STK31: variants seen among roughly 807,000 people sequenced by gnomAD.
The protein encoded by STK31 is serine/threonine-protein kinase 31.
A neutral mutation model predicts 129.7 loss-of-function variants in STK31; 89 were observed. The observed-to-expected ratio is 0.69, with a 90% CI of 0.58 to 0.82. The LOEUF is 0.82. Among genes scored for constraint, STK31 ranks in the 40% least tolerant of loss-of-function variants. The pLI, the probability that STK31 is intolerant of heterozygous loss-of-function variation, is 0.00. For synonymous variants in STK31, 448 were observed against 395.3 expected (o/e 1.13, Z -1.58); for missense variants, 1,187 against 1,176.4 (o/e 1.01, Z -0.13).
At position 23,710,308 on chromosome 7, in the gene STK31, C is replaced by T. The variant is rs772566581; in HGVS notation, c.23C>T (p.Ser8Phe). MWVQGHS[S>F]RASATESVSF... is the part of the protein sequence containing the mutation. ...AGTATGTGGGTCCAGGGTCACTCTT[C>T]TAGAGCTTCCGCAACGGAAAGTGTG... The change falls in exon 1 of 24, where the codon TCT becomes TTT. Residue 8 changes from serine to phenylalanine, a missense_variant. Transcript: ENST00000355870. 1.9e-6 allele frequency: 3 copies of T among 1,613,210 alleles called. No individual in the cohort carries two copies. The Admixed American group carries it at 5.0e-5, about 27-fold the overall frequency.
chr7:23,756,560 G>A (rs541040754), intron 10 of STK31, among the ~76,000 whole-genome samples: 3 of 152,208 alleles, frequency 2.0e-5, no homozygotes, highest in Non-Finnish European at 4.4e-5. Context: ...AGAGGGAATC[G>A]TTGTCTTGTA....
At chr7:23,825,127 A>T (rs914964639) in intron 23 of STK31, among the ~76,000 whole-genome samples, 3 of 152,082 alleles carry the variant, frequency 2.0e-5, no homozygotes, top group Admixed American at 2.0e-4. Flanking sequence ...TGAGTTAGGG[A>T]GGATTCCCTC....
chr7:23,821,232 A>G (rs994338906), intron 23 of STK31, among the ~76,000 whole-genome samples: 1 of 152,216 alleles, frequency 6.6e-6, no homozygotes, highest in Non-Finnish European at 1.5e-5. Flanking sequence ...ACTATTTTCC[A>G]TAGTGGCTAT....
At chr7:23,744,671 A>G (rs1273671432) in intron 8 of STK31, among the ~76,000 whole-genome samples, 1 of 152,196 alleles carries the variant, frequency 6.6e-6, no homozygotes, top group Non-Finnish European at 1.5e-5. Flanking sequence ...TTCTGGGTTC[A>G]TGCAGTAGCA....
chr7:23,762,678 T>G, intron 10 of STK31, 123 bp from the exon 11 acceptor site: 1 of 1,123,738 alleles, frequency 8.9e-7, no homozygotes, highest in East Asian at 2.8e-5. Flanking sequence ...GAGAGAAATG[T>G]CCTAAGTGCT....
chr7:23,813,093 T>TTA (rs1425326318), intron 22 of STK31, among the ~76,000 whole-genome samples: 10 of 148,716 alleles, frequency 6.7e-5, no homozygotes, highest in African/African-American at 2.2e-4. Context: ...TTTTTTTTTT[T>TTA]TTTTTGTCTG....
intron 10 of STK31, among the ~76,000 whole-genome samples, chr7:23,759,510 T>G (rs2128097755): frequency 6.6e-6 from 1 of 152,352 alleles, no homozygotes; most frequent in South Asian, 2.1e-4. Context: ...GATATTGTAA[T>G]GATAGTTTGT....
At chr7:23,813,810 T>C (rs980294571) in intron 22 of STK31, among the ~76,000 whole-genome samples, 16 of 152,120 alleles carry the variant, frequency 1.1e-4, no homozygotes, top group Admixed American at 6.6e-5. Flanking sequence ...CTATGACCGA[T>C]GCAGAATACC....
intron 11 of STK31, among the ~76,000 whole-genome samples, chr7:23,764,196 T>C (rs1489184821): frequency 6.6e-6 from 1 of 152,216 alleles, no homozygotes; most frequent in Non-Finnish European, 1.5e-5. Flanking sequence ...AGTAATATAG[T>C]AAGAATTTAG....
At chr7:23,816,882 T>A (rs150374847) in intron 23 of STK31, among the ~76,000 whole-genome samples, 8 of 152,172 alleles carry the variant, frequency 5.3e-5, no homozygotes, top group African/African-American at 1.9e-4. Context: ...CTTAGAAGTC[T>A]GCTTACTCTA....
At chr7:23,737,416 A>G (rs1787782173) in intron 8 of STK31, among the ~76,000 whole-genome samples, 1 of 152,244 alleles carries the variant, frequency 6.6e-6, no homozygotes, top group South Asian at 2.1e-4. Context: ...ATTATAACAC[A>G]TGGCCAATCT....
rs543654179 is a variant in STK31, at chr7:23,770,622, C to G, written c.1714-383C>G. Among the ~76,000 whole-genome samples the G allele has an allele frequency of 2.0e-5, 3 of 152,054 alleles. No homozygotes were observed. The East Asian group carries it at 5.8e-4, about 29-fold the overall frequency. The stretch of plus-strand genomic sequence containing the variant: ...AAAGTTTCCCATATGAATGGCTTTG[C>G]TTTTTTTAGAGAGACAGTGTCTTGC... On this transcript the variant is annotated intron_variant, in intron 13 of 23. Coordinates refer to ENST00000355870, the MANE Select transcript of STK31 (RefSeq NM_031414.5).
chr7:23,807,243 G>A (rs1562620016), intron 22 of STK31, among the ~76,000 whole-genome samples: 2 of 151,822 alleles, frequency 1.3e-5, no homozygotes, highest in Admixed American at 1.3e-4. Flanking sequence ...AAGTCTACTG[G>A]TGACAAATTT....
chr7:23,821,178 G>C (rs1157666631), intron 23 of STK31, among the ~76,000 whole-genome samples: 1 of 152,166 alleles, frequency 6.6e-6, no homozygotes, highest in Non-Finnish European at 1.5e-5. Flanking sequence ...GGGATTACTG[G>C]ATTGTATGAT....
intron 8 of STK31, among the ~76,000 whole-genome samples, chr7:23,739,438 A>T (rs566240082): frequency 3.7e-4 from 56 of 152,186 alleles, no homozygotes; most frequent in Non-Finnish European, 6.0e-4. Flanking sequence ...GTACACTCTG[A>T]TGGTAGTTTC....
At chr7:23,772,083 A>ATT (rs1328304681) in intron 14 of STK31, 64 bp from the exon 15 acceptor site, 6 of 1,205,470 alleles carry the variant, frequency 5.0e-6, no homozygotes, top group Non-Finnish European at 6.8e-6. Flanking sequence ...GAAATAATAA[A>ATT]TGATCACTGT....
Position 23,832,508 on chromosome 7 carries a change from A to G in STK31, c.*142A>G. ...GAAAAATAAAGATGTTTGGCTATGC[A>G]CAAAATAGTTTGTATGCTTTGAACT... On this transcript the variant is annotated 3_prime_UTR_variant, in exon 24 of 24. Coordinates refer to ENST00000355870, the MANE Select transcript of STK31 (RefSeq NM_031414.5). The G allele has an allele frequency of 1.5e-6, 1 of 654,422 alleles. No homozygotes were observed. The allele number at this position is 654,422 out of a possible 1,614,324, so 40.5% of individuals were successfully genotyped here.
intron 23 of STK31, among the ~76,000 whole-genome samples, chr7:23,830,660 C>T (rs1265314619): frequency 1.3e-5 from 2 of 150,530 alleles, no homozygotes; most frequent in Non-Finnish European, 3.0e-5. Flanking sequence ...CACTCTGTTG[C>T]CCAGGCTGGA....
chr7:23,712,861 C>T (rs1270966986), intron 3 of STK31, among the ~76,000 whole-genome samples: 5 of 152,086 alleles, frequency 3.3e-5, no homozygotes, highest in Non-Finnish European at 7.4e-5. Context: ...ATGCACAGAA[C>T]GACCTGCTAA....
Sources: gnomAD v4.1 joint callset for allele counts (sites outside exome capture counted in the v4.1 genomes callset) on GRCh38, gnomAD v4.1.1 for gene constraint, MANE v1.5 for transcripts, NCBI Gene and HGNC (gene_info 2026-07-23, HGNC 2026-07-21) for gene names.